KIF5A: variants seen among roughly 807,000 people sequenced by gnomAD.
KIF5A encodes kinesin heavy chain isoform 5A.
KIF5A carries 35 observed loss-of-function variants against 141.3 expected under a neutral mutation model. That is an observed-to-expected ratio of 0.25 (90% CI 0.19 to 0.33). KIF5A has a LOEUF of 0.33. Among genes scored for constraint, KIF5A ranks in the 10% least tolerant of loss-of-function variants. The pLI is 1.00. For synonymous variants in KIF5A, 448 were observed against 500.2 expected, an observed-to-expected ratio of 0.90 and a Z score of 1.39; for missense variants, 861 against 1,314.3, an observed-to-expected ratio of 0.66 and a Z score of 5.33.
intron 4 of KIF5A, 88 bp downstream of exon 4, chr12:57,564,300 A>G (rs1374814492): frequency 1.2e-5 from 14 of 1,131,380 alleles, no homozygotes; most frequent in Admixed American, 5.1e-5. Flanking sequence ...GGGCTCCCCA[A>G]CTTGACTCCC....
intron 21 of KIF5A, 41 bp downstream of exon 21, chr12:57,577,814 A>C (rs1565703110): frequency 6.6e-7 from 1 of 1,525,532 alleles, no homozygotes; most frequent in Non-Finnish European, 9.1e-7. Context: ...AGGACTGGGG[A>C]GTGGGGAGGC....
intron 3 of KIF5A, 90 bp from the exon 4 acceptor site, chr12:57,564,018 G>A (rs368675944): frequency 4.4e-6 from 4 of 911,856 alleles, no homozygotes; most frequent in Admixed American, 3.6e-5. Flanking sequence ...TCTTCTTATT[G>A]ACTCTTGCCT....
chr12:57,582,793 C>A, intron 27 of KIF5A, 164 bp downstream of exon 27: 1 of 707,510 alleles, frequency 1.4e-6, no homozygotes. Context: ...CAGTCATTCC[C>A]CTGCCTCAGT....
At chr12:57,563,298 C>A in intron 1 of KIF5A, 141 bp from the exon 2 acceptor site, 1 of 721,846 alleles carries the variant, frequency 1.4e-6, no homozygotes, top group African/African-American at 1.7e-5. Context: ...AGCCACCACG[C>A]CCGGCCATTC....
Position 57,564,957 on chromosome 12 carries a change from G to A in KIF5A, c.485G>A (p.Arg162Gln), listed in dbSNP as rs770143931. Reference sequence around the variant, plus strand: ...CTGTCCGTGCACGAGGACAAGAACCGGGTGCCATTTGTCAAGGTGAGAGTG... The same window carrying A: ...CTGTCCGTGCACGAGGACAAGAACCAGGTGCCATTTGTCAAGGTGAGAGTG... ...TNLSVHEDKN[R>Q]VPFVKGCTER... Residue 162 changes from arginine (R) to glutamine (Q), a missense_variant, in exon 6 of 29, where the codon CGG becomes CAG. This residue lies in a region of KIF5A where 146 missense variants were observed against 353.4 expected (regional missense o/e 0.41). Coordinates refer to ENST00000455537, the MANE Select transcript of KIF5A (RefSeq NM_004984.4). The A allele has an allele frequency of 6.2e-7, 1 of 1,614,146 alleles. No individual in the cohort carries two copies. The highest frequency in any genetic ancestry group is 8.5e-7 in the Non-Finnish European group (1 of 1,180,012).
chr12:57,554,610 G>A (rs1881676894), intron 1 of KIF5A, among the ~76,000 whole-genome samples: 1 of 152,160 alleles, frequency 6.6e-6, no homozygotes, highest in Non-Finnish European at 1.5e-5. Context: ...TTGCTATAAA[G>A]GAATACCCCA....
At chr12:57,580,658 G>A (rs568679735) in intron 23 of KIF5A, among the ~76,000 whole-genome samples, 34 of 152,306 alleles carry the variant, frequency 2.2e-4, no homozygotes, top group Admixed American at 1.0e-3. Flanking sequence ...AGGACAAGGC[G>A]CTCTCACAAG....
chr12:57,583,335 AGTTACCCCTCAACTCCTGCTT>A, intron 28 of KIF5A, 120 bp downstream of exon 28: 2 of 667,036 alleles, frequency 3.0e-6, no homozygotes, highest in South Asian at 3.4e-5. Flanking sequence ...TTAATTATGT[AGTTACCCCTCAACTCCTGCTT>A]TCCCCTGTTG....
In KIF5A at chr12:57,567,526, A is replaced by G. The variant is rs1162007628; in HGVS notation, c.622A>G (p.Ile208Val). 1 of 1,613,436 alleles carries G rather than the reference A, an allele frequency of 6.2e-7. No homozygotes were observed. The highest frequency in any genetic ancestry group is 8.5e-7 in the Non-Finnish European group (1 of 1,179,828). The change falls in exon 8 of 29, where the codon ATC becomes GTC. Residue 208 changes from isoleucine to valine, a missense_variant. By Grantham distance (29) the Ile-to-Val change is conservative. Transcript: ENST00000455537. ...TGAACACAGCTCTCGGAGCCACAGC[A>G]TCTTCCTCATCAACATCAAGCAGGA... ...MNEHSSRSHSIFLINIKQENM... is the reference protein window; with the variant it reads ...MNEHSSRSHSVFLINIKQENM...
chr12:57,565,099 G>A (rs1882022473), intron 6 of KIF5A, 126 bp downstream of exon 6: 2 of 831,472 alleles, frequency 2.4e-6, no homozygotes, highest in East Asian at 2.6e-5. Flanking sequence ...GTGCCTAGGG[G>A]CCAGGGAGAG....
At chr12:57,571,090 C>G (rs1451869069) in intron 12 of KIF5A, among the ~76,000 whole-genome samples, 1 of 152,008 alleles carries the variant, frequency 6.6e-6, no homozygotes, top group Non-Finnish European at 1.5e-5. Flanking sequence ...CATGCACCAC[C>G]AGGCTAGCTA....
chr12:57,557,884 C>T (rs1023281885), intron 1 of KIF5A, among the ~76,000 whole-genome samples: 2 of 151,916 alleles, frequency 1.3e-5, no homozygotes, highest in Non-Finnish European at 2.9e-5. Context: ...ATTTAACTTT[C>T]GAATGTCTTA....
At chr12:57,559,901 AT>A (rs1003599271) in intron 1 of KIF5A, among the ~76,000 whole-genome samples, 26 of 151,854 alleles carry the variant, frequency 1.7e-4, no homozygotes, top group Non-Finnish European at 2.6e-4. Context: ...TTATTTATTT[AT>A]TTTTTTTGGG....
At chr12:57,582,029 G>T in intron 26 of KIF5A, 77 bp downstream of exon 26, 1 of 1,219,328 alleles carries the variant, frequency 8.2e-7, no homozygotes. Context: ...AGTGACCTTA[G>T]TGTACAAAAA....
chr12:57,563,404 C>T, intron 1 of KIF5A, 35 bp from the exon 2 acceptor site: 1 of 1,460,558 alleles, frequency 6.8e-7, no homozygotes, highest in Non-Finnish European at 9.6e-7. Flanking sequence ...CACATCCTGC[C>T]TGTTGACGTC....
chr12:57,569,835 A>G (rs1375151633), intron 11 of KIF5A, 152 bp downstream of exon 11: 4 of 1,385,086 alleles, frequency 2.9e-6, no homozygotes, highest in Non-Finnish European at 3.9e-6. Context: ...TCATGGGGGA[A>G]GGGAGGGGCC....
chr12:57,572,689 A>T lies in KIF5A; in HGVS notation c.1679A>T (p.Glu560Val). 6.2e-7 allele frequency: 1 copy of T among 1,614,232 alleles called. No individual in the cohort carries two copies. The highest frequency in any genetic ancestry group is 8.5e-7 in the Non-Finnish European group (1 of 1,180,040). ...VLNGLMKDLS[E>V]FSVIVGNGEI... ...AACGGGCTGATGAAGGATCTGAGCG[A>T]GTTCAGTGTCATTGTGGGCAACGGG... The change falls in exon 15 of 29, where the codon GAG (glutamate) becomes GTG (valine). Residue 560 changes from glutamate (E) to valine (V), a missense_variant. Transcript: ENST00000455537. The surrounding 1 kb of genome is among the most constrained non-coding windows in gnomAD (Gnocchi z 4.2).
At chr12:57,557,019 C>T (rs2140154781) in intron 1 of KIF5A, among the ~76,000 whole-genome samples, 1 of 152,196 alleles carries the variant, frequency 6.6e-6, no homozygotes, top group South Asian at 2.1e-4. Context: ...CAGTATTAAC[C>T]ATCACAATTC....
In KIF5A at chr12:57,576,377, G is replaced by A; in HGVS notation, c.2197G>A (p.Asp733Asn). 1.9e-6 allele frequency: 3 copies of A among 1,613,380 alleles called. No individual in the cohort carries two copies. Among genetic ancestry groups the A allele is most frequent in the Non-Finnish European group, 2.5e-6 (3 of 1,179,398 alleles). ...EKQKTIDELK[D>N]LNQKLQLELE... ...GCAGAAGACCATTGATGAGCTCAAA[G>A]AGTAAGGGTTCCCAAGGGCGACTCC... The change falls in exon 19 of 29, where the codon GAC (aspartate) becomes AAC (asparagine). Residue 733 changes from aspartate (D) to asparagine (N), a missense_variant and splice_region_variant. Transcript: ENST00000455537.
Sources: gnomAD v4.1 joint callset for allele counts (sites outside exome capture counted in the v4.1 genomes callset) on GRCh38, gnomAD v4.1.1 for gene constraint, gnomAD v4.1.1 regional missense constraint, Gnocchi (gnomAD v3.1) non-coding constraint, MANE v1.5 for transcripts, NCBI Gene and HGNC (gene_info 2026-07-23, HGNC 2026-07-21) for gene names.